Variants in IQGAP1 observed in about 807,000 individuals in gnomAD.
The protein encoded by IQGAP1 is ras GTPase-activating-like protein IQGAP1.
In IQGAP1, 66 loss-of-function variants were observed where a neutral mutation model predicts 215.6. That is an observed-to-expected ratio of 0.31 (90% CI 0.25 to 0.38). The LOEUF (loss-of-function observed/expected upper bound fraction) is 0.38, where lower values mean the gene tolerates loss of function less well. IQGAP1 is among the 10% of genes least tolerant of loss of function. IQGAP1 has a pLI of 1.00. For missense variants in IQGAP1, 1,712 were observed against 1,997.1 expected (o/e 0.86, Z 2.72); for synonymous variants, 772 against 728.7 (o/e 1.06, Z -0.96).
chr15:90,416,666 C>T (rs772560699), intron 2 of IQGAP1, among the ~76,000 whole-genome samples: 1 of 152,004 alleles, frequency 6.6e-6, no homozygotes, highest in South Asian at 2.1e-4. Context: ...CAGGCTTCAC[C>T]TCCCGTGTTC....
At chr15:90,497,388 G>A (rs1488473513) in intron 37 of IQGAP1, 48 bp downstream of exon 37, 6 of 904,896 alleles carry the variant, frequency 6.6e-6, no homozygotes, top group Middle Eastern at 2.2e-4. Context: ...TGAGATTCTT[G>A]TCCAAGTAGG....
At chr15:90,393,020 C>A (rs548275295) in intron 2 of IQGAP1, among the ~76,000 whole-genome samples, 1 of 151,970 alleles carries the variant, frequency 6.6e-6, no homozygotes, top group African/African-American at 2.4e-5. Flanking sequence ...GCTGGAATTA[C>A]AAACGTGAGC....
rs1395817540 is a variant in IQGAP1, at chr15:90,483,269, G to A, written c.3556-92G>A. The A allele has an allele frequency of 5.8e-6, 5 of 867,540 alleles. 1 individual carries two copies. Among genetic ancestry groups the A allele is most frequent in the South Asian group, 3.0e-5 (2 of 67,606 alleles). The allele number at this position is 867,540 out of a possible 1,614,324, so 53.7% of individuals were successfully genotyped here. On this transcript the variant is annotated intron_variant, in intron 28 of 37. Transcript: ENST00000268182. ...TTATTTATTTTTTCCTCATAGGACT[G>A]CATTTTCTGCTTTTCTTTGCTAGCA...
intron 23 of IQGAP1, among the ~76,000 whole-genome samples, chr15:90,475,318 G>C (rs543093984): frequency 2.5e-4 from 38 of 152,118 alleles, no homozygotes; most frequent in African/African-American, 8.9e-4. Context: ...TTTTAGTAGA[G>C]ACGGGGGTTT....
intron 9 of IQGAP1, among the ~76,000 whole-genome samples, chr15:90,446,218 A>G (rs144684121): frequency 6.6e-6 from 1 of 152,274 alleles, no homozygotes; most frequent in East Asian, 1.9e-4. Flanking sequence ...ACTGTTTGGT[A>G]TTTTATAACC....
intron 2 of IQGAP1, among the ~76,000 whole-genome samples, chr15:90,392,101 C>T (rs769201080): frequency 6.1e-5 from 9 of 147,934 alleles, no homozygotes; most frequent in South Asian, 2.2e-4. Context: ...AACATCGCTA[C>T]ATTTAAAGTC....
At chr15:90,420,509 A>G (rs1965118527) in intron 2 of IQGAP1, among the ~76,000 whole-genome samples, 1 of 152,188 alleles carries the variant, frequency 6.6e-6, no homozygotes, top group South Asian at 2.1e-4. Context: ...CTCTGTCAGT[A>G]TTCAGGCTCA....
intron 22 of IQGAP1, 87 bp from the exon 23 acceptor site, chr15:90,474,398 A>G (rs1965949268): frequency 3.7e-6 from 4 of 1,071,810 alleles, no homozygotes; most frequent in South Asian, 1.3e-5. Flanking sequence ...ATGTTTATGA[A>G]TAGACTACTT....
At chr15:90,499,555 G>T (rs145622451) in intron 37 of IQGAP1, among the ~76,000 whole-genome samples, 4 of 152,068 alleles carry the variant, frequency 2.6e-5, no homozygotes, top group Admixed American at 6.5e-5. Flanking sequence ...TCATTTCCCC[G>T]TGCTTAGTAT....
chr15:90,395,441 C>T (rs886119452), intron 2 of IQGAP1, among the ~76,000 whole-genome samples: 30 of 152,138 alleles, frequency 2.0e-4, no homozygotes, highest in African/African-American at 7.0e-4. Context: ...CTGGCTCAGC[C>T]TCCCGAGTAG....
At chr15:90,472,711 G>A in intron 18 of IQGAP1, 129 bp from the exon 19 acceptor site, 1 of 794,094 alleles carries the variant, frequency 1.3e-6, no homozygotes, top group Non-Finnish European at 1.9e-6. Flanking sequence ...TTCCTGTTAT[G>A]TAGCTAATGA....
At chr15:90,421,754 T>C (rs1965139835) in intron 2 of IQGAP1, among the ~76,000 whole-genome samples, 1 of 152,148 alleles carries the variant, frequency 6.6e-6, no homozygotes, top group South Asian at 2.1e-4. Context: ...AGTGCAGTGA[T>C]GCAATCTCAG....
chr15:90,467,976 CAT>C (rs1159469475), intron 18 of IQGAP1, among the ~76,000 whole-genome samples: 2 of 152,168 alleles, frequency 1.3e-5, no homozygotes, highest in Non-Finnish European at 1.5e-5. Flanking sequence ...TTAGCATTTT[CAT>C]AGAGCTTTTA....
chr15:90,460,230 A>G (rs982308264), intron 15 of IQGAP1, among the ~76,000 whole-genome samples: 1 of 152,086 alleles, frequency 6.6e-6, no homozygotes, highest in African/African-American at 2.4e-5. Flanking sequence ...CTGGTTGCCC[A>G]TTTTATATTT....
intron 29 of IQGAP1, 151 bp downstream of exon 29, chr15:90,483,744 C>T: frequency 3.2e-6 from 2 of 617,358 alleles, no homozygotes; most frequent in East Asian, 5.5e-5. Context: ...GAAGATGATC[C>T]ATTTACTTTG....
chr15:90,439,239 TTC>T, intron 5 of IQGAP1, 91 bp from the exon 6 acceptor site: 1 of 839,244 alleles, frequency 1.2e-6, no homozygotes, highest in Non-Finnish European at 2.0e-6. Flanking sequence ...TTCAGAATAC[TTC>T]TATTTTATAC....
intron 15 of IQGAP1, among the ~76,000 whole-genome samples, chr15:90,461,416 G>A (rs528305079): frequency 9.1e-4 from 139 of 152,300 alleles, no homozygotes; most frequent in African/African-American, 3.1e-3. Flanking sequence ...CTAATGTCAC[G>A]TTTCTCTTCA....
chr15:90,399,231 G>A (rs1243024471), intron 2 of IQGAP1, among the ~76,000 whole-genome samples: 2 of 152,076 alleles, frequency 1.3e-5, no homozygotes, highest in East Asian at 1.9e-4. Flanking sequence ...GGATACAGGC[G>A]TGAGCAGCCA....
rs2151042941 is a variant in IQGAP1, at chr15:90,500,984, T to G, written c.*876T>G. On this transcript the variant is annotated 3_prime_UTR_variant, in exon 38 of 38. Transcript: ENST00000268182. ...TTAAAACTGTTTTATATCTTAAGAGTGCCTTATTAAAGTATAGATGTATGT... is the reference window on the plus strand; with the variant it reads ...TTAAAACTGTTTTATATCTTAAGAGGGCCTTATTAAAGTATAGATGTATGT... 2.0e-5 allele frequency: 3 copies of G among 152,766 alleles called. No homozygotes were observed. In the South Asian group the frequency reaches 6.2e-4, roughly 32 times the overall value. The allele number at this position is 152,766 out of a possible 1,614,324, so 9.5% of individuals were successfully genotyped here.
Sources: allele counts gnomAD v4.1 joint callset (sites outside exome capture counted in the v4.1 genomes callset), GRCh38; gene constraint gnomAD v4.1.1; transcripts MANE v1.5; gene names NCBI Gene and HGNC (gene_info 2026-07-23, HGNC 2026-07-21).